XKR4: variants seen among roughly 807,000 people sequenced by gnomAD.
The protein encoded by XKR4 is XK-related protein 4.
In XKR4, 12 loss-of-function variants were observed where a neutral mutation model predicts 53.9. The observed-to-expected ratio is 0.22, with a 90% CI of 0.14 to 0.36. The LOEUF is 0.36. Among genes scored for constraint, XKR4 ranks in the 10% least tolerant of loss-of-function variants. XKR4 has a pLI of 1.00. For synonymous variants in XKR4, 354 were observed against 362.4 expected, an observed-to-expected ratio of 0.98 and a Z score of 0.26; for missense variants, 799 against 859.5, an observed-to-expected ratio of 0.93 and a Z score of 0.88.
intron 2 of XKR4, among the ~76,000 whole-genome samples, chr8:55,499,784 C>A (rs1472341045): frequency 2.6e-5 from 4 of 152,120 alleles, no homozygotes; most frequent in African/African-American, 9.7e-5. Flanking sequence ...CCAGCTGTTG[C>A]GCTGTCTTTA....
intron 2 of XKR4, among the ~76,000 whole-genome samples, chr8:55,366,507 G>A (rs191106039): frequency 1.3e-5 from 2 of 152,310 alleles, no homozygotes; most frequent in East Asian, 3.9e-4. Flanking sequence ...CAGACCTCAC[G>A]TGGCCACTCA....
chr8:55,468,075 A>G (rs1805809448), intron 2 of XKR4, among the ~76,000 whole-genome samples: 1 of 152,142 alleles, frequency 6.6e-6, no homozygotes, highest in South Asian at 2.1e-4. Flanking sequence ...TAAATCAAAT[A>G]GGATTTCCAG....
At position 55,532,642 on chromosome 8, in the gene XKR4, A is replaced by G. The variant is rs1806970327; in HGVS notation, c.*8415A>G. ...AACCCCCATCTCTACTAAAACTACA[A>G]AAAAATTAGCCAGGCATGGTGGCGG... On this transcript the variant is annotated 3_prime_UTR_variant, in exon 3 of 3. Transcript: ENST00000327381. The G allele has an allele frequency of 6.6e-6, 1 of 151,992 alleles. No homozygotes were observed. Among genetic ancestry groups the G allele is most frequent in the South Asian group, 2.1e-4 (1 of 4,808 alleles). 9.4% of individuals were successfully genotyped at this position (151,992 alleles called of 1,614,324 possible). A position where few individuals can be genotyped will look rare whatever the true frequency, so the allele number is the denominator to read the frequency against.
intron 2 of XKR4, chr8:55,452,082 C>A: frequency 1.4e-6 from 1 of 703,230 alleles, no homozygotes; most frequent in South Asian, 1.6e-5. Flanking sequence ...GGGTGGCTGG[C>A]CGGGTGTGTA....
intron 1 of XKR4, among the ~76,000 whole-genome samples, chr8:55,222,551 A>C (rs1817895496): frequency 6.6e-6 from 1 of 152,206 alleles, no homozygotes; most frequent in East Asian, 1.9e-4. Context: ...ATTCTTTGTT[A>C]ATTCCCTTCA....
intron 1 of XKR4, among the ~76,000 whole-genome samples, chr8:55,132,601 G>A (rs1288155539): frequency 6.6e-6 from 1 of 152,132 alleles, no homozygotes; most frequent in African/African-American, 2.4e-5. Context: ...CGAAGATATG[G>A]AGAGACTACT....
intron 1 of XKR4, among the ~76,000 whole-genome samples, chr8:55,320,245 G>A (rs1314673845): frequency 6.6e-6 from 1 of 152,196 alleles, no homozygotes; most frequent in Non-Finnish European, 1.5e-5. Flanking sequence ...AGTACTTTTA[G>A]TGAGAGGAAA....
rs551397549 is a variant in XKR4 at position 55,322,850 on chromosome 8, T to C, written c.807-34828T>C. On this transcript the variant is annotated intron_variant, in intron 1 of 2. Transcript: ENST00000327381. ...GAACAATCATATTATCTTTCAAAAA[T>C]GGCAACTCTGTTTTCTATTGTCAAT... Among the ~76,000 whole-genome samples the C allele has an allele frequency of 2.0e-5, 3 of 152,344 alleles. No homozygotes were observed. The East Asian group carries it at 5.8e-4, about 29-fold the overall frequency.
intron 1 of XKR4, among the ~76,000 whole-genome samples, chr8:55,168,119 G>T (rs9643838): frequency 6.6e-6 from 1 of 152,118 alleles, no homozygotes; most frequent in East Asian, 1.9e-4. Flanking sequence ...GAAGAGAATC[G>T]TACAGAAAGT....
rs1028165746 is a variant in XKR4 at position 55,541,189 on chromosome 8, A to C, written c.*16962A>C. 9 of 152,196 alleles carry C rather than the reference A, an allele frequency of 5.9e-5. No homozygotes were observed. The highest frequency in any genetic ancestry group is 2.6e-4 in the Admixed American group (4 of 15,282). The allele number at this position is 152,196 out of a possible 1,614,324, so 9.4% of individuals were successfully genotyped here. A position where few individuals can be genotyped will look rare whatever the true frequency, so the allele number is the denominator to read the frequency against. ...CAATAAGTCTTTTGTTTAACATTTC[A>C]AAAGGATATTTGGTGCAAAGCAATT... is the stretch of plus-strand genomic sequence containing the variant. On this transcript the variant is annotated 3_prime_UTR_variant, in exon 3 of 3. Transcript: ENST00000327381.
chr8:55,385,032 A>G (rs986743589), intron 2 of XKR4, among the ~76,000 whole-genome samples: 2 of 152,318 alleles, frequency 1.3e-5, no homozygotes, highest in African/African-American at 4.8e-5. Flanking sequence ...CAAAGTAGGT[A>G]TAATTTTTGG....
chr8:55,371,502 G>C (rs1432080462), intron 2 of XKR4, among the ~76,000 whole-genome samples: 1 of 152,102 alleles, frequency 6.6e-6, no homozygotes, highest in Non-Finnish European at 1.5e-5. Flanking sequence ...CAATACTTGG[G>C]ATACTTGGGA....
intron 1 of XKR4, among the ~76,000 whole-genome samples, chr8:55,264,788 T>C (rs1474884695): frequency 6.6e-6 from 1 of 152,232 alleles, no homozygotes; most frequent in Non-Finnish European, 1.5e-5. Flanking sequence ...TTCCTCTTAA[T>C]ATGATTTGTT....
intron 2 of XKR4, among the ~76,000 whole-genome samples, chr8:55,456,297 G>A (rs1585583890): frequency 6.6e-6 from 1 of 152,104 alleles, no homozygotes; most frequent in African/African-American, 2.4e-5. Context: ...CTGGCTTGGT[G>A]GCATGTGCTT....
chr8:55,163,180 C>G (rs1264084394), intron 1 of XKR4, among the ~76,000 whole-genome samples: 1 of 152,166 alleles, frequency 6.6e-6, no homozygotes, highest in Non-Finnish European at 1.5e-5. Flanking sequence ...ACATCTAAAG[C>G]TTAATTCTTT....
At chr8:55,268,056 G>C (rs1408629951) in intron 1 of XKR4, among the ~76,000 whole-genome samples, 1 of 152,080 alleles carries the variant, frequency 6.6e-6, no homozygotes, top group Non-Finnish European at 1.5e-5. Flanking sequence ...TGTGCAGTTG[G>C]GCTCTGTCCT....
chr8:55,302,894 G>C (rs1238816862), intron 1 of XKR4, among the ~76,000 whole-genome samples: 1 of 152,104 alleles, frequency 6.6e-6, no homozygotes, highest in African/African-American at 2.4e-5. Context: ...AGGAGATTTT[G>C]GGCTGAGATG....
At chr8:55,508,147 T>C (rs1202327099) in intron 2 of XKR4, among the ~76,000 whole-genome samples, 1 of 152,078 alleles carries the variant, frequency 6.6e-6, no homozygotes, top group Non-Finnish European at 1.5e-5. Context: ...AGTGATGGCA[T>C]GAATTGAACT....
chr8:55,196,269 C>T (rs1420090664), intron 1 of XKR4, among the ~76,000 whole-genome samples: 4 of 151,114 alleles, frequency 2.6e-5, no homozygotes, highest in Non-Finnish European at 4.4e-5. Context: ...ATAACCTCCA[C>T]CTCCCAGGTT....
Sources: gnomAD v4.1 joint callset for allele counts (sites outside exome capture counted in the v4.1 genomes callset) on GRCh38, gnomAD v4.1.1 for gene constraint, MANE v1.5 for transcripts, NCBI Gene and HGNC (gene_info 2026-07-23, HGNC 2026-07-21) for gene names.